PCDHA10: variants seen among roughly 807,000 people sequenced by gnomAD.
The protein encoded by PCDHA10 is protocadherin alpha-10.
Under a neutral mutation model 61.2 loss-of-function variants are expected in PCDHA10, and 45 were observed. The ratio of observed to expected loss-of-function variants is 0.74; its 90% confidence interval spans 0.58 to 0.94. PCDHA10 has a LOEUF of 0.94. Ranked by LOEUF, PCDHA10 falls within the 40% of genes least tolerant of loss-of-function variation. The pLI, the probability that PCDHA10 is intolerant of heterozygous loss-of-function variation, is 0.00. For synonymous variants in PCDHA10, 602 were observed against 548.8 expected (o/e 1.10, Z -1.35); for missense variants, 1,278 against 1,236.2 (o/e 1.03, Z -0.51).
intron 3 of PCDHA10, among the ~76,000 whole-genome samples, chr5:141,005,628 G>C: frequency 6.7e-6 from 1 of 148,974 alleles, no homozygotes; most frequent in Non-Finnish European, 1.5e-5. Context: ...CGTGAACCCG[G>C]GAGGCGGAGC....
intron 3 of PCDHA10, among the ~76,000 whole-genome samples, chr5:141,008,262 G>T (rs1178355094): frequency 6.6e-6 from 1 of 152,198 alleles, no homozygotes; most frequent in Non-Finnish European, 1.5e-5. Flanking sequence ...AGGAGACTGA[G>T]AAGTAATAGG....
At chr5:140,962,770 G>A (rs1387109570) in intron 1 of PCDHA10, among the ~76,000 whole-genome samples, 1 of 152,164 alleles carries the variant, frequency 6.6e-6, no homozygotes, top group Admixed American at 6.5e-5. Flanking sequence ...TTTTTAACAA[G>A]ATGGAATTTT....
chr5:140,867,664 C>T (rs2050091732), intron 1 of PCDHA10: 1 of 152,076 alleles, frequency 6.6e-6, no homozygotes, highest in African/African-American at 2.4e-5. Flanking sequence ...TCACTTTCTA[C>T]TCTAAAATTT....
chr5:140,881,959 C>G (rs1012115110), intron 1 of PCDHA10: 146 of 352,464 alleles, frequency 4.1e-4, no homozygotes, highest in Non-Finnish European at 1.3e-4. Context: ...AACATTTAAT[C>G]TTCAATTACA....
chr5:140,993,397 T>C (rs2097553822), intron 3 of PCDHA10, among the ~76,000 whole-genome samples: 2 of 151,682 alleles, frequency 1.3e-5, no homozygotes, highest in Admixed American at 1.3e-4. Context: ...ACTCCATCAT[T>C]AACCACCTTC....
intron 1 of PCDHA10, among the ~76,000 whole-genome samples, chr5:140,898,087 T>C (rs1480771668): frequency 2.6e-5 from 4 of 152,150 alleles, no homozygotes; most frequent in Non-Finnish European, 5.9e-5. Flanking sequence ...TTCTGGATAT[T>C]AGCCCTTTGT....
intron 1 of PCDHA10, among the ~76,000 whole-genome samples, chr5:140,961,220 G>T (rs2095597952): frequency 6.6e-6 from 1 of 152,032 alleles, no homozygotes; most frequent in Non-Finnish European, 1.5e-5. Flanking sequence ...GAAGAAACTG[G>T]GTCCCAAAAA....
chr5:140,882,209 A>T, intron 1 of PCDHA10: 1 of 1,531,724 alleles, frequency 6.5e-7, no homozygotes, highest in Non-Finnish European at 8.8e-7. Context: ...GCCTTGAGAG[A>T]CAGTTTGAGG....
At chr5:140,883,697 G>A (rs376619145) in intron 1 of PCDHA10, 3 of 1,613,880 alleles carry the variant, frequency 1.9e-6, no homozygotes, top group South Asian at 1.1e-5. Flanking sequence ...CATCTTCACG[G>A]TGTCTGCTCA....
In PCDHA10 at chr5:140,935,562, C is replaced by T. The variant is rs180759633; in HGVS notation, c.2389-43387C>T. Among the ~76,000 whole-genome samples, 423 of 152,262 alleles carry T rather than the reference C, an allele frequency of 2.8e-3. 2 individuals carry two copies. The highest frequency in any genetic ancestry group is 0.014 in the Middle Eastern group (4 of 294). On this transcript the variant is annotated intron_variant, in intron 1 of 3. Transcript: ENST00000307360. Reference sequence around the variant, plus strand: ...TGTTTTAAAGTATCTTGGAAAAGTTCCTCTCTGTGTAGTTAAGCCACCAGC... The same window carrying T: ...TGTTTTAAAGTATCTTGGAAAAGTTTCTCTCTGTGTAGTTAAGCCACCAGC...
chr5:140,886,917 T>C (rs893093876), intron 1 of PCDHA10, among the ~76,000 whole-genome samples: 12 of 152,044 alleles, frequency 7.9e-5, no homozygotes, highest in Non-Finnish European at 1.8e-4. Flanking sequence ...TTATTGAGTG[T>C]TCTCTATGTG....
chr5:140,864,404 G>A (rs2048464520), intron 1 of PCDHA10: 1 of 152,228 alleles, frequency 6.6e-6, no homozygotes. Flanking sequence ...GTGATGAGCA[G>A]GGTTGAGGCA....
chr5:140,883,151 A>G (rs1317370821), intron 1 of PCDHA10: 1 of 1,613,978 alleles, frequency 6.2e-7, no homozygotes, highest in Non-Finnish European at 8.5e-7. Flanking sequence ...TGCATTTACC[A>G]TAAATCCGAA....
chr5:140,858,599 T>C (rs2045504873), intron 1 of PCDHA10, 163 bp downstream of exon 1: 1 of 1,295,538 alleles, frequency 7.7e-7, no homozygotes, highest in Non-Finnish European at 1.1e-6. Flanking sequence ...TCCAGGAGTT[T>C]TAAAATTTTT....
At chr5:140,967,214 C>T (rs2096114688) in intron 1 of PCDHA10, 10 of 1,613,692 alleles carry the variant, frequency 6.2e-6, no homozygotes, top group Non-Finnish European at 8.5e-6. Context: ...GCGTTTCCCG[C>T]GGCCCAACTA....
At chr5:140,997,668 TTGTGTGTGTGTG>T (rs35184029) in intron 3 of PCDHA10, among the ~76,000 whole-genome samples, 3 of 148,244 alleles carry the variant, frequency 2.0e-5, no homozygotes, top group South Asian at 2.2e-4. Context: ...ATTATACAGC[TTGTGTGTGTGTG>T]TGTGTGTGTG....
intron 1 of PCDHA10, among the ~76,000 whole-genome samples, chr5:140,938,625 T>G (rs2092136082): frequency 6.6e-6 from 1 of 152,220 alleles, no homozygotes; most frequent in African/African-American, 2.4e-5. Flanking sequence ...AAACTCAGGT[T>G]GCTTATGATG....
intron 1 of PCDHA10, chr5:140,884,430 T>C: frequency 1.9e-6 from 3 of 1,613,922 alleles, no homozygotes; most frequent in Non-Finnish European, 2.5e-6. Context: ...TATACTGCGC[T>C]GCGGTGCTCG....
chr5:140,952,798 G>A (rs1554220633), intron 1 of PCDHA10, among the ~76,000 whole-genome samples: 1 of 152,138 alleles, frequency 6.6e-6, no homozygotes, highest in Non-Finnish European at 1.5e-5. Flanking sequence ...TAACTGGCTC[G>A]CAGTTCTGCA....
Sources: allele counts gnomAD v4.1 joint callset (sites outside exome capture counted in the v4.1 genomes callset), GRCh38; gene constraint gnomAD v4.1.1; transcripts MANE v1.5; gene names NCBI Gene and HGNC (gene_info 2026-07-23, HGNC 2026-07-21).